The following AR variants were observed in gnomAD, a reference collection of about 807,000 sequenced individuals.
The protein encoded by AR is androgen receptor, also known as dihydrotestosterone receptor.
A neutral mutation model predicts 53.9 loss-of-function variants in AR; 8 were observed. The observed-to-expected ratio is 0.15, with a 90% CI of 0.09 to 0.27. The LOEUF (loss-of-function observed/expected upper bound fraction) is 0.27. Ranked by LOEUF, AR falls within the 10% of genes least tolerant of loss-of-function variation. The pLI is 1.00. For missense variants in AR, 639 were observed against 742.5 expected (o/e 0.86, Z 1.62); for synonymous variants, 359 against 316.4 (o/e 1.13, Z -1.43).
chrX:67,727,418 A>G lies in AR; in HGVS notation c.*3577A>G, dbSNP rs1200841009. The G allele has an allele frequency of 1.2e-5, 2 of 171,522 alleles. No homozygotes were observed. The highest frequency in any genetic ancestry group is 1.9e-3 in the Middle Eastern group (1 of 523). The allele number at this position is 171,522 out of a possible 1,213,427, so 14.1% of individuals were successfully genotyped here. ...CTGATGCTAGAGTCCCTCTCTGTCC[A>G]TACTCTACTTCTAAATACATATAGG... On this transcript the variant is annotated 3_prime_UTR_variant, in exon 8 of 8. Coordinates refer to ENST00000374690, the MANE Select transcript of AR (RefSeq NM_000044.6).
intron 1 of AR, among the ~76,000 whole-genome samples, chrX:67,579,028 C>G (rs989182186): frequency 2.7e-5 from 3 of 111,536 alleles, no homozygotes; most frequent in African/African-American, 9.8e-5. Flanking sequence ...AGCAAGCATA[C>G]AGTCAGTATG....
chrX:67,565,705 T>C (rs897070588), intron 1 of AR, among the ~76,000 whole-genome samples: 3 of 110,789 alleles, frequency 2.7e-5, no homozygotes, highest in Non-Finnish European at 5.7e-5. Flanking sequence ...TGGTGAATTT[T>C]TTGGGGGGTG....
intron 3 of AR, chrX:67,695,762 C>CAA (rs2076017113): frequency 1.3e-6 from 1 of 746,306 alleles, no homozygotes; most frequent in African/African-American, 2.4e-5. Context: ...CACACACACA[C>CAA]ACACACACAC....
At chrX:67,621,414 G>T (rs1924371388) in intron 1 of AR, among the ~76,000 whole-genome samples, 1 of 111,144 alleles carries the variant, frequency 9.0e-6, no homozygotes, top group African/African-American at 3.3e-5. Flanking sequence ...GAACATGCAG[G>T]TTTGTTACAT....
intron 2 of AR, among the ~76,000 whole-genome samples, chrX:67,661,942 T>G (rs984631152): frequency 7.1e-5 from 8 of 112,002 alleles, no homozygotes; most frequent in Non-Finnish European, 1.1e-4. Context: ...GTCGAGGAAT[T>G]TATCCATTTC....
intron 1 of AR, among the ~76,000 whole-genome samples, chrX:67,552,165 G>A (rs1025136726): frequency 8.9e-6 from 1 of 111,776 alleles, no homozygotes; most frequent in African/African-American, 3.3e-5. Context: ...GAAACCCTAT[G>A]CACCTTTGTG....
chrX:67,549,973 A>G (rs1440330917), intron 1 of AR, among the ~76,000 whole-genome samples: 1 of 112,016 alleles, frequency 8.9e-6, no homozygotes, highest in Non-Finnish European at 1.9e-5. Context: ...TTCCTTTGAA[A>G]CCAAGACAGA....
intron 3 of AR, among the ~76,000 whole-genome samples, chrX:67,706,700 T>C (rs1265522469): frequency 1.8e-5 from 2 of 111,602 alleles, no homozygotes; most frequent in Non-Finnish European, 3.8e-5. Context: ...CTTTTGAATG[T>C]GTTTGCTCTT....
At chrX:67,655,412 C>A (rs1308827639) in intron 2 of AR, among the ~76,000 whole-genome samples, 1 of 111,629 alleles carries the variant, frequency 9.0e-6, no homozygotes, top group African/African-American at 3.3e-5. Context: ...CTCTGTAGCC[C>A]ATGTCACTTG....
chrX:67,559,389 A>T (rs971131517), intron 1 of AR, among the ~76,000 whole-genome samples: 1 of 112,031 alleles, frequency 8.9e-6, no homozygotes, highest in Non-Finnish European at 1.9e-5. Flanking sequence ...GAGACTGGAC[A>T]AAAGGAACAA....
In AR at chrX:67,545,313, T is replaced by TGCAGCAGCAGCAGCAGCAGCA. The variant is rs755686403; in HGVS notation, c.169_170insAGCAGCAGCAGCAGCAGCAGC (p.Leu56_Leu57insGlnGlnGlnGlnGlnGlnGln). 5.5e-6 allele frequency: 6 copies of TGCAGCAGCAGCAGCAGCAGCA among 1,099,090 alleles called. No homozygotes were observed. The highest frequency in any genetic ancestry group is 4.3e-5 in the African/African-American group (2 of 46,485). The allele number at this position is 1,099,090 out of a possible 1,213,427, so 90.6% of individuals were successfully genotyped here. A position where few individuals can be genotyped will look rare whatever the true frequency, so the allele number is the denominator to read the frequency against. On this transcript the variant is annotated inframe_insertion, in exon 1 of 8. Coordinates refer to ENST00000374690, the MANE Select transcript of AR (RefSeq NM_000044.6). ...GCACCTCCCGGCGCCAGTTTGCTGC[T>TGCAGCAGCAGCAGCAGCAGCA]GCTGCAGCAGCAGCAGCAGCAGCAG... is the stretch of plus-strand genomic sequence containing the variant.
At chrX:67,703,831 T>A (rs1027019651) in intron 3 of AR, among the ~76,000 whole-genome samples, 1 of 110,924 alleles carries the variant, frequency 9.0e-6, no homozygotes. Context: ...GTGTGTGATG[T>A]TCCCCTTCCT....
chrX:67,590,523 G>GT (rs1181354675), intron 1 of AR, among the ~76,000 whole-genome samples: 4 of 112,094 alleles, frequency 3.6e-5, no homozygotes, highest in Non-Finnish European at 7.5e-5. Flanking sequence ...AGAGAATTAA[G>GT]TAATATGAGG....
chrX:67,627,548 TAC>T (rs1569286846), intron 1 of AR, among the ~76,000 whole-genome samples: 1 of 111,376 alleles, frequency 9.0e-6, no homozygotes, highest in Admixed American at 9.5e-5. Flanking sequence ...GTCAGATGAG[TAC>T]GTTGCGAAAA....
chrX:67,668,730 T>C (rs1344955487), intron 2 of AR, among the ~76,000 whole-genome samples: 1 of 111,351 alleles, frequency 9.0e-6, no homozygotes, highest in African/African-American at 3.3e-5. Flanking sequence ...GCTTCAATCT[T>C]ATTACTTGTT....
chrX:67,705,163 T>A (rs1172849225), intron 3 of AR, among the ~76,000 whole-genome samples: 1 of 111,647 alleles, frequency 9.0e-6, no homozygotes, highest in Non-Finnish European at 1.9e-5. Flanking sequence ...TTTAAAGTAG[T>A]TTTCTCCAAT....
chrX:67,595,234 G>A (rs1352179009), intron 1 of AR, among the ~76,000 whole-genome samples: 1 of 110,741 alleles, frequency 9.0e-6, no homozygotes, highest in Non-Finnish European at 1.9e-5. Flanking sequence ...TGAGAGCTGT[G>A]TCACAGCTAA....
At chrX:67,595,015 C>G (rs1208533717) in intron 1 of AR, among the ~76,000 whole-genome samples, 1 of 110,908 alleles carries the variant, frequency 9.0e-6, no homozygotes, top group Non-Finnish European at 1.9e-5. Context: ...AAATAATTTT[C>G]CAATCTAGAA....
intron 5 of AR, 94 bp downstream of exon 5, chrX:67,717,716 C>CAGA: frequency 1.8e-6 from 2 of 1,108,829 alleles, no homozygotes; most frequent in Non-Finnish European, 2.5e-6. Context: ...TGAAGCTTAG[C>CAGA]TCATTTGATC....
Sources: allele counts gnomAD v4.1 joint callset (sites outside exome capture counted in the v4.1 genomes callset), GRCh38; gene constraint gnomAD v4.1.1; transcripts MANE v1.5; gene names NCBI Gene and HGNC (gene_info 2026-07-23, HGNC 2026-07-21).